SELENOV: variants seen among roughly 807,000 people sequenced by gnomAD.
SELENOV encodes selenoprotein V.
In SELENOV, 25 loss-of-function variants were observed where a neutral mutation model predicts 21.6. That is an observed-to-expected ratio of 1.16 (90% CI 0.84 to 1.62). SELENOV has a LOEUF of 1.62. SELENOV is among the 40% of genes most tolerant of loss of function. SELENOV has a pLI of 0.00. For synonymous variants in SELENOV, 227 were observed against 216.9 expected (o/e 1.05, Z -0.41); for missense variants, 472 against 459.0 (o/e 1.03, Z -0.26).
intron 5 of SELENOV, 78 bp from the exon 6 acceptor site, chr19:39,520,068 C>A (rs1349025269): frequency 6.6e-6 from 1 of 152,354 alleles, no homozygotes; most frequent in African/African-American, 2.4e-5. Flanking sequence ...ATGGTAGACC[C>A]TATATAAACA....
At chr19:39,518,706 C>G in intron 2 of SELENOV, 34 bp from the exon 3 acceptor site, 2 of 1,613,472 alleles carry the variant, frequency 1.2e-6, no homozygotes, top group Non-Finnish European at 1.7e-6. Flanking sequence ...TTTCCCCTCC[C>G]CTGCAACCCC....
intron 1 of SELENOV, among the ~76,000 whole-genome samples, chr19:39,516,981 G>A (rs1196837320): frequency 1.3e-5 from 2 of 151,988 alleles, no homozygotes; most frequent in African/African-American, 4.8e-5. Context: ...ATAGGTGTGA[G>A]CCACCGCGCC....
At chr19:39,516,291 A>C in intron 1 of SELENOV, 1 of 636,394 alleles carries the variant, frequency 1.6e-6, no homozygotes, top group South Asian at 1.5e-5. Context: ...GGCCTGTGCT[A>C]GAGATGGGGT....
At position 39,515,850 on chromosome 19, in the gene SELENOV, C is replaced by A. The variant is rs1316450000; in HGVS notation, c.638C>A (p.Ala213Glu). ...CCCACCCTGGACTTCACCTTCAGGG[C>A]AGACCCGTCGGCCATCGGGCTGGCG... Residue 213 changes from alanine to glutamate, a missense_variant, in exon 1 of 6, where the codon GCA becomes GAA. Transcript: ENST00000335426. This position sits in a 1 kb window ranked among gnomAD's most constrained non-coding sequence, Gnocchi z 5.1. 1 of 1,552,266 alleles carries A rather than the reference C, an allele frequency of 6.4e-7. No individual in the cohort carries two copies. Among genetic ancestry groups the A allele is most frequent in the Non-Finnish European group, 8.7e-7 (1 of 1,147,912 alleles).
rs2079716614 is a variant in SELENOV at position 39,519,266 on chromosome 19, G to A, written c.*22+96G>A. On this transcript the variant is annotated intron_variant, in intron 5 of 5. Coordinates refer to ENST00000335426, the Ensembl canonical transcript of SELENOV. ...TCTCAGTCCTGATCCTAGCTCAGCCGGTTCTCACTGTTAGAATCATGACAA... is the reference window on the plus strand; with the variant it reads ...TCTCAGTCCTGATCCTAGCTCAGCCAGTTCTCACTGTTAGAATCATGACAA... The A allele has an allele frequency of 1.6e-5, 13 of 830,192 alleles. No homozygotes were observed. The East Asian group carries it at 2.4e-4, about 15-fold the overall frequency. The allele number at this position is 830,192 out of a possible 1,614,324, so 51.4% of individuals were successfully genotyped here. A position where few individuals can be genotyped will look rare whatever the true frequency, so the allele number is the denominator to read the frequency against.
intron 1 of SELENOV, 113 bp from the exon 2 acceptor site, chr19:39,518,495 A>C: frequency 9.6e-7 from 1 of 1,042,576 alleles, no homozygotes; most frequent in Middle Eastern, 2.0e-4. Context: ...TGAACAGGGG[A>C]GGAACATGAT....
intron 1 of SELENOV, 68 bp downstream of exon 1, chr19:39,516,089 G>A: frequency 1.5e-6 from 2 of 1,361,406 alleles, no homozygotes; most frequent in Non-Finnish European, 2.0e-6. Flanking sequence ...TGGGTCTCCG[G>A]GGACGTGGAG....
At chr19:39,518,837 T>A (rs1192833853) in intron 3 of SELENOV, 44 bp downstream of exon 3, 1 of 1,612,092 alleles carries the variant, frequency 6.2e-7, no homozygotes, top group South Asian at 1.1e-5. Context: ...TGGTCAGGGA[T>A]CTGAGATCCC....
chr19:39,519,124 C>G (rs537964754), exon 5 of SELENOV: 1 of 1,613,566 alleles, frequency 6.2e-7, no homozygotes, highest in Non-Finnish European at 8.5e-7. Flanking sequence ...TGAGCGTTAT[C>G]GATGAGGAAA....
At position 39,519,111 on chromosome 19, in the gene SELENOV, TTG is replaced by T. The variant is rs1307418521; in HGVS notation, c.1007_1008del (p.Val336GlufsTer?). ...GTGAACGAGTCCAGGCTGCAGAAAA[TTG>T]TGAGCGTTATCGATGAGGAAATCAA... On this transcript the variant is annotated frameshift_variant, in exon 5 of 6. Transcript: ENST00000335426. LOFTEE classifies it high-confidence loss of function. The T allele has an allele frequency of 1.9e-6, 3 of 1,613,276 alleles. No homozygotes were observed. Among genetic ancestry groups the T allele is most frequent in the Non-Finnish European group, 2.5e-6 (3 of 1,179,732 alleles).
intron 3 of SELENOV, 41 bp downstream of exon 3, chr19:39,518,834 G>T (rs1268958934): frequency 6.2e-7 from 1 of 1,612,594 alleles, no homozygotes. Flanking sequence ...GGGTGGTCAG[G>T]GATCTGAGAT....
Position 39,515,956 on chromosome 19 carries a change from AACCTTCC to A in SELENOV, c.745_751del (p.Thr249ProfsTer14). ...CCATCTCCTTACAGAATTGTACGGA[AACCTTCC>A]CCTCCTCCAGCGAGAACTTCGCGCT... On this transcript the variant is annotated frameshift_variant, in exon 1 of 6. Transcript: ENST00000335426. LOFTEE classifies it high-confidence loss of function. This position sits in a 1 kb window ranked among gnomAD's most constrained non-coding sequence, Gnocchi z 5.1. The A allele has an allele frequency of 6.2e-7, 1 of 1,608,546 alleles. No individual in the cohort carries two copies. Among genetic ancestry groups the A allele is most frequent in the Non-Finnish European group, 8.5e-7 (1 of 1,178,052 alleles).
In SELENOV at chr19:39,518,808, G is replaced by C. The variant is rs1246537143; in HGVS notation, c.888+15G>C. ...ACCTACTCTTTGTAAGTGTGTGGGG[G>C]TCCTGGGGGAGAGGGGGGTGGTCAG... On this transcript the variant is annotated intron_variant, in intron 3 of 5. Transcript: ENST00000335426. The C allele has an allele frequency of 6.2e-7, 1 of 1,613,610 alleles. No individual in the cohort carries two copies. Among genetic ancestry groups the C allele is most frequent in the African/African-American group, 1.3e-5 (1 of 74,896 alleles).
chr19:39,517,157 C>T (rs2079701343), intron 1 of SELENOV, among the ~76,000 whole-genome samples: 1 of 152,130 alleles, frequency 6.6e-6, no homozygotes, highest in African/African-American at 2.4e-5. Context: ...CCGTGCCCAG[C>T]CTGTGTCTTT....
At chr19:39,516,291 A>G (rs1568454825) in intron 1 of SELENOV, 1 of 636,394 alleles carries the variant, frequency 1.6e-6, no homozygotes, top group Non-Finnish European at 2.9e-6. Flanking sequence ...GGCCTGTGCT[A>G]GAGATGGGGT....
intron 1 of SELENOV, 130 bp from the exon 2 acceptor site, chr19:39,518,478 G>A (rs1041831413): frequency 4.3e-6 from 4 of 921,816 alleles, no homozygotes; most frequent in East Asian, 2.6e-5. Flanking sequence ...GCACTACTTC[G>A]GGATTCTGAA....
intron 1 of SELENOV, among the ~76,000 whole-genome samples, chr19:39,517,964 C>CATAAAAAAA: frequency 8.1e-5 from 1 of 12,362 alleles, no homozygotes. Context: ...GACTCTGTCT[C>CATAAAAAAA]AAAAAAAAAA....
chr19:39,515,307 G>A lies in SELENOV; in HGVS notation c.95G>A (p.Arg32Gln), dbSNP rs2079688439. The stretch of plus-strand genomic sequence containing the variant: ...CCGACCCGGACACCGACTCCACTCC[G>A]GACCCCGACTCCGGTCCGGACTCGG... The change falls in exon 1 of 6, where the codon CGG (arginine) becomes CAG (glutamine). Residue 32 changes from arginine (R) to glutamine (Q), a missense_variant. Arg to Gln is a conservative substitution (Grantham distance 43). Transcript: ENST00000335426. The surrounding 1 kb of genome is among the most constrained non-coding windows in gnomAD (Gnocchi z 5.1). 6.4e-7 allele frequency: 1 copy of A among 1,550,836 alleles called. No homozygotes were observed. The highest frequency in any genetic ancestry group is 8.7e-7 in the Non-Finnish European group (1 of 1,146,840).
In SELENOV at chr19:39,515,490, T is replaced by A; in HGVS notation, c.278T>A (p.Ile93Asn). The change falls in exon 1 of 6, where the codon ATC becomes AAC. Residue 93 changes from isoleucine (I) to asparagine (N), a missense_variant. Transcript: ENST00000335426. This position sits in a 1 kb window ranked among gnomAD's most constrained non-coding sequence, Gnocchi z 5.1. ...GTTCCGCCTCCTGCTCCGGCCTGGA[T>A]CCCTACTCCGGTGCCGACTCCCGTT... 6.4e-7 allele frequency: 1 copy of A among 1,550,414 alleles called. No homozygotes were observed. Among genetic ancestry groups the A allele is most frequent in the Non-Finnish European group, 8.7e-7 (1 of 1,146,668 alleles).
Sources: allele counts gnomAD v4.1 joint callset (sites outside exome capture counted in the v4.1 genomes callset), GRCh38; gene constraint gnomAD v4.1.1; non-coding constraint Gnocchi (gnomAD v3.1); transcripts MANE v1.5; gene names NCBI Gene and HGNC (gene_info 2026-07-23, HGNC 2026-07-21).